SEL1L2: variants seen among roughly 807,000 people sequenced by gnomAD.
SEL1L2 encodes the protein SEL1L2 adaptor subunit of SYVN1 ubiquitin ligase.
Under a neutral mutation model 98.8 loss-of-function variants are expected in SEL1L2, and 89 were observed. The observed-to-expected ratio is 0.90, with a 90% CI of 0.76 to 1.07. The LOEUF (loss-of-function observed/expected upper bound fraction) is 1.07, where lower values mean the gene tolerates loss of function less well. SEL1L2 is among the 50% of genes least tolerant of loss of function. The probability of loss-of-function intolerance (pLI) is 0.00; values close to 1 mark genes in which losing one functional copy is unlikely to be tolerated. For synonymous variants in SEL1L2, 262 were observed against 278.5 expected (o/e 0.94, Z 0.59); for missense variants, 788 against 812.0 (o/e 0.97, Z 0.36).
chr20:13,983,732 G>C (rs1052619453), intron 1 of SEL1L2, among the ~76,000 whole-genome samples: 8 of 151,944 alleles, frequency 5.3e-5, no homozygotes, highest in African/African-American at 1.9e-4. Flanking sequence ...TGTTGGTCAG[G>C]CTGGTCTCAA....
intron 17 of SEL1L2, among the ~76,000 whole-genome samples, chr20:13,864,848 A>T (rs1253345574): frequency 6.6e-6 from 1 of 152,210 alleles, no homozygotes; most frequent in African/African-American, 2.4e-5. Flanking sequence ...GCAATGAATG[A>T]GTGAAGCCAG....
chr20:13,946,259 A>G (rs2050001929), intron 2 of SEL1L2, among the ~76,000 whole-genome samples: 1 of 152,212 alleles, frequency 6.6e-6, no homozygotes. Context: ...TTCTACACAA[A>G]AAAACTGCTA....
At chr20:13,860,926 C>G (rs1990015906) in intron 17 of SEL1L2, among the ~76,000 whole-genome samples, 1 of 152,146 alleles carries the variant, frequency 6.6e-6, no homozygotes, top group African/African-American at 2.4e-5. Flanking sequence ...AGTTTCTTCC[C>G]TGTCTCAGTA....
chr20:13,911,674 C>A (rs918442799), intron 5 of SEL1L2, among the ~76,000 whole-genome samples: 5 of 152,092 alleles, frequency 3.3e-5, no homozygotes, highest in Middle Eastern at 3.4e-3. Flanking sequence ...ATGATGATGT[C>A]GGTCTGTATA....
At chr20:13,913,398 CCT>C (rs1336062632) in intron 5 of SEL1L2, 18 of 155,298 alleles carry the variant, frequency 1.2e-4, no homozygotes, top group Middle Eastern at 3.2e-3. Flanking sequence ...CTTTTTTTCC[CCT>C]GTTTTCCAGA....
intron 1 of SEL1L2, among the ~76,000 whole-genome samples, chr20:13,972,951 TATTTG>T (rs1014254123): frequency 4.6e-5 from 7 of 152,192 alleles, no homozygotes; most frequent in Admixed American, 3.3e-4. Context: ...TAGGGAATTT[TATTTG>T]ATTTATTTTT....
Position 13,859,365 on chromosome 20 carries a change from T to C in SEL1L2, c.1715A>G (p.Gln572Arg). ...YYGYGTKKDY[Q>R]TAATHYSIAA... is the part of the protein sequence containing the mutation. ...AATGCTGTAGTGTGTGGCTGCTGTT[T>C]GATAGTCTTTCTTAGTCCCATAGCC... The change falls in exon 18 of 20, where the codon CAA (glutamine) becomes CGA (arginine). Residue 572 changes from glutamine (Q) to arginine (R), a missense_variant. Gln to Arg is a conservative substitution (Grantham distance 43). Transcript: ENST00000284951. The C allele has an allele frequency of 1.9e-6, 3 of 1,614,160 alleles. No individual in the cohort carries two copies. The highest frequency in any genetic ancestry group is 1.6e-4 in the Middle Eastern group (1 of 6,062).
At chr20:13,861,667 T>C (rs1450583684) in intron 17 of SEL1L2, among the ~76,000 whole-genome samples, 2 of 152,188 alleles carry the variant, frequency 1.3e-5, no homozygotes, top group South Asian at 2.1e-4. Context: ...ATGATCTTTT[T>C]AAAATGTAAA....
chr20:13,951,276 C>CAAAAAAAAAAAAAAAAA (rs764034768), intron 2 of SEL1L2, among the ~76,000 whole-genome samples: 1 of 25,502 alleles, frequency 3.9e-5, no homozygotes. Flanking sequence ...GACTCCGTCT[C>CAAAAAAAAAAAAAAAAA]AAAAAAAAAA....
intron 5 of SEL1L2, among the ~76,000 whole-genome samples, chr20:13,910,077 C>G (rs1436974489): frequency 6.6e-6 from 1 of 152,168 alleles, no homozygotes; most frequent in Non-Finnish European, 1.5e-5. Context: ...ATAAGTTTGT[C>G]CTCACTCATG....
rs145931967 is a variant in SEL1L2, at chr20:13,948,846, G to A, written c.114+7230C>T. ...TTTAATGAGGATCAGTCTCAAATCCGTCTCCCTGACCAACTGAAACCGAGG... is the reference window on the plus strand; with the variant it reads ...TTTAATGAGGATCAGTCTCAAATCCATCTCCCTGACCAACTGAAACCGAGG... On this transcript the variant is annotated intron_variant, in intron 2 of 19. Coordinates refer to ENST00000284951, the MANE Select transcript of SEL1L2 (RefSeq NM_025229.2). 2.0e-4 allele frequency among the ~76,000 whole-genome samples: 30 copies of A among 152,294 alleles called. No individual in the cohort carries two copies. The East Asian group carries it at 2.1e-3, about 11-fold the overall frequency.
intron 3 of SEL1L2, among the ~76,000 whole-genome samples, chr20:13,930,022 C>T (rs1272638322): frequency 6.6e-6 from 1 of 152,208 alleles, no homozygotes; most frequent in Non-Finnish European, 1.5e-5. Context: ...AACTCCTGAG[C>T]TTAGGCAATC....
intron 3 of SEL1L2, among the ~76,000 whole-genome samples, chr20:13,926,620 C>T (rs1388703285): frequency 1.3e-5 from 2 of 152,192 alleles, no homozygotes; most frequent in Admixed American, 6.5e-5. Context: ...AAAACAGTCC[C>T]TTCAGAGACT....
chr20:13,906,492 G>A (rs536467385), intron 5 of SEL1L2, among the ~76,000 whole-genome samples: 38 of 152,056 alleles, frequency 2.5e-4, no homozygotes, highest in African/African-American at 6.5e-4. Flanking sequence ...TCAACCCTAA[G>A]GAACAACTCA....
intron 1 of SEL1L2, among the ~76,000 whole-genome samples, chr20:13,976,127 G>A (rs1187206784): frequency 6.6e-6 from 1 of 151,964 alleles, no homozygotes; most frequent in African/African-American, 2.4e-5. Context: ...TCAGCCTCCC[G>A]AATAGCTGGG....
At chr20:13,975,880 G>T (rs2051508585) in intron 1 of SEL1L2, among the ~76,000 whole-genome samples, 2 of 152,150 alleles carry the variant, frequency 1.3e-5, no homozygotes, top group South Asian at 4.1e-4. Context: ...TAGAGACAGG[G>T]TCTTACTATG....
intron 12 of SEL1L2, among the ~76,000 whole-genome samples, chr20:13,873,594 T>C (rs2147882045): frequency 6.6e-6 from 1 of 151,222 alleles, no homozygotes; most frequent in South Asian, 2.1e-4. Context: ...TCTCTTGACC[T>C]GGTGATCCGC....
At chr20:13,913,984 T>G in intron 4 of SEL1L2, 40 bp from the exon 5 acceptor site, 1 of 1,520,420 alleles carries the variant, frequency 6.6e-7, no homozygotes, top group South Asian at 1.3e-5. Context: ...TTTTCAAAAA[T>G]GAAATTTTCT....
intron 5 of SEL1L2, among the ~76,000 whole-genome samples, chr20:13,901,425 A>T (rs2047676337): frequency 6.6e-6 from 1 of 152,106 alleles, no homozygotes; most frequent in South Asian, 2.1e-4. Flanking sequence ...GTCTGGCATT[A>T]GCCCTATTCT....
Sources: allele counts gnomAD v4.1 joint callset (sites outside exome capture counted in the v4.1 genomes callset), GRCh38; gene constraint gnomAD v4.1.1; transcripts MANE v1.5; gene names NCBI Gene and HGNC (gene_info 2026-07-23, HGNC 2026-07-21).